PPP3CA: variants seen among roughly 807,000 people sequenced by gnomAD.
PPP3CA encodes the protein CAM-PRP catalytic subunit.
In PPP3CA, 14 loss-of-function variants were observed where a neutral mutation model predicts 66.5. That is an observed-to-expected ratio of 0.21 (90% CI 0.14 to 0.33). The LOEUF is 0.33. Ranked by LOEUF, PPP3CA falls within the 10% of genes least tolerant of loss-of-function variation. The pLI is 1.00. For synonymous variants in PPP3CA, 232 were observed against 226.2 expected (o/e 1.03, Z -0.23); for missense variants, 317 against 639.5 (o/e 0.50, Z 5.44).
chr4:101,171,370 T>G, intron 2 of PPP3CA: 1 of 350,204 alleles, frequency 2.9e-6, no homozygotes, highest in South Asian at 2.2e-5. Flanking sequence ...AAAAAACCCT[T>G]CAAAGAAGGT....
At chr4:101,060,394 T>C (rs1187135431) in intron 10 of PPP3CA, among the ~76,000 whole-genome samples, 1 of 152,138 alleles carries the variant, frequency 6.6e-6, no homozygotes, top group Non-Finnish European at 1.5e-5. Flanking sequence ...CAGTAAAGTT[T>C]GCTCTTATGC....
intron 6 of PPP3CA, among the ~76,000 whole-genome samples, chr4:101,088,584 CAAAAAAA>C (rs1174497803): frequency 5.0e-4 from 18 of 35,750 alleles, no homozygotes; most frequent in South Asian, 3.1e-3. Flanking sequence ...GACTCCATCT[CAAAAAAA>C]AAAAAAAAAA....
chr4:101,176,520 C>G (rs1232121631), intron 2 of PPP3CA, among the ~76,000 whole-genome samples: 1 of 152,146 alleles, frequency 6.6e-6, no homozygotes, highest in African/African-American at 2.4e-5. Flanking sequence ...TGCTCCAAGC[C>G]TCCTAATCTG....
intron 8 of PPP3CA, among the ~76,000 whole-genome samples, chr4:101,077,992 A>AT (rs1473440466): frequency 6.6e-6 from 1 of 152,050 alleles, no homozygotes; most frequent in African/African-American, 2.4e-5. Context: ...TAAAATCCCA[A>AT]TTTTTATTCC....
At chr4:101,271,430 T>C (rs555498307) in intron 1 of PPP3CA, among the ~76,000 whole-genome samples, 1 of 152,210 alleles carries the variant, frequency 6.6e-6, no homozygotes, top group South Asian at 2.1e-4. Flanking sequence ...AGTGTAAACA[T>C]GATATTTCTC....
intron 1 of PPP3CA, among the ~76,000 whole-genome samples, chr4:101,299,850 A>G (rs1217764818): frequency 6.6e-6 from 1 of 152,202 alleles, no homozygotes; most frequent in Non-Finnish European, 1.5e-5. Context: ...TGTCTGCCCT[A>G]TATCATCAAG....
intron 1 of PPP3CA, among the ~76,000 whole-genome samples, chr4:101,290,664 A>AGAC (rs1727995124): frequency 6.6e-6 from 1 of 152,214 alleles, no homozygotes; most frequent in Non-Finnish European, 1.5e-5. Flanking sequence ...AACCCAGTAC[A>AGAC]AGAGTCAAAT....
chr4:101,256,399 T>G (rs1305616788), intron 1 of PPP3CA, among the ~76,000 whole-genome samples: 1 of 152,010 alleles, frequency 6.6e-6, no homozygotes, highest in East Asian at 1.9e-4. Context: ...TACAACAGGT[T>G]GCTAATTACA....
intron 2 of PPP3CA, among the ~76,000 whole-genome samples, chr4:101,183,411 G>C (rs1724304708): frequency 6.6e-6 from 1 of 152,240 alleles, no homozygotes; most frequent in Non-Finnish European, 1.5e-5. Flanking sequence ...TATAGTGATA[G>C]AGGAAACTAA....
chr4:101,152,803 T>G (rs1723184365), intron 2 of PPP3CA, among the ~76,000 whole-genome samples: 1 of 152,030 alleles, frequency 6.6e-6, no homozygotes, highest in Admixed American at 6.6e-5. Flanking sequence ...TCTAGAAAGA[T>G]CACAGATAAC....
intron 2 of PPP3CA, among the ~76,000 whole-genome samples, chr4:101,127,983 C>T (rs1053032672): frequency 6.6e-6 from 1 of 152,156 alleles, no homozygotes; most frequent in Non-Finnish European, 1.5e-5. Context: ...GTGCTCTATA[C>T]AGGATCCTTA....
chr4:101,073,369 C>T (rs973403692), intron 8 of PPP3CA, among the ~76,000 whole-genome samples: 5 of 151,540 alleles, frequency 3.3e-5, no homozygotes, highest in African/African-American at 1.2e-4. Context: ...CTCGGCCTCC[C>T]GGGTTCAAGC....
At chr4:101,072,159 A>C (rs1397168850) in intron 8 of PPP3CA, among the ~76,000 whole-genome samples, 1 of 152,256 alleles carries the variant, frequency 6.6e-6, no homozygotes, top group African/African-American at 2.4e-5. Context: ...AGAAAAATGT[A>C]CAAGGTATTC....
At chr4:101,089,523 G>C (rs915651976) in intron 6 of PPP3CA, among the ~76,000 whole-genome samples, 2 of 152,136 alleles carry the variant, frequency 1.3e-5, no homozygotes, top group Admixed American at 6.5e-5. Flanking sequence ...GTTTAAAAGA[G>C]CTTTAGGGTG....
chr4:101,247,236 A>C (rs1300993467), intron 1 of PPP3CA, among the ~76,000 whole-genome samples: 1 of 151,500 alleles, frequency 6.6e-6, no homozygotes, highest in African/African-American at 2.4e-5. Context: ...ATCTCAGCTC[A>C]CTGGAACCTT....
intron 8 of PPP3CA, among the ~76,000 whole-genome samples, chr4:101,075,179 A>C (rs533601073): frequency 3.4e-4 from 52 of 152,286 alleles, no homozygotes; most frequent in African/African-American, 1.0e-3. Context: ...TCAAGGTGAA[A>C]TCTGGGTGGG....
At chr4:101,047,518 T>C (rs1009470084) in intron 10 of PPP3CA, among the ~76,000 whole-genome samples, 3 of 152,136 alleles carry the variant, frequency 2.0e-5, no homozygotes, top group Non-Finnish European at 4.4e-5. Flanking sequence ...GTGAATAAAA[T>C]CCTCATTGAT....
chr4:101,164,375 T>C (rs536454619), intron 2 of PPP3CA, among the ~76,000 whole-genome samples: 5 of 152,314 alleles, frequency 3.3e-5, no homozygotes, highest in Admixed American at 3.3e-4. Context: ...GTAGAAACTT[T>C]ACTGTCATAT....
chr4:101,225,181 T>C (rs1183554765), intron 1 of PPP3CA, among the ~76,000 whole-genome samples: 17 of 151,960 alleles, frequency 1.1e-4, no homozygotes, highest in Admixed American at 1.1e-3. Flanking sequence ...CTTTCTAGCT[T>C]TACTTTTCCC....
Sources: allele counts gnomAD v4.1 joint callset (sites outside exome capture counted in the v4.1 genomes callset), GRCh38; gene constraint gnomAD v4.1.1; transcripts MANE v1.5; gene names NCBI Gene and HGNC (gene_info 2026-07-23, HGNC 2026-07-21).